The following GRID2 variants were observed in gnomAD, a reference collection of about 807,000 sequenced individuals.
GRID2 encodes the protein glutamate receptor ionotropic, delta-2.
Under a neutral mutation model 114.8 loss-of-function variants are expected in GRID2, and 33 were observed. That is an observed-to-expected ratio of 0.29 (90% CI 0.22 to 0.38). The LOEUF (loss-of-function observed/expected upper bound fraction) is 0.38, where lower values mean the gene tolerates loss of function less well. GRID2 is among the 10% of genes least tolerant of loss of function. GRID2 has a pLI of 1.00. For synonymous variants in GRID2, 505 were observed against 449.9 expected (o/e 1.12, Z -1.55); for missense variants, 1,184 against 1,257.7 (o/e 0.94, Z 0.89).
At chr4:93,055,870 T>C (rs1170393086) in intron 2 of GRID2, among the ~76,000 whole-genome samples, 1 of 151,992 alleles carries the variant, frequency 6.6e-6, no homozygotes, top group Non-Finnish European at 1.5e-5. Context: ...AGTCTGTCCT[T>C]GTAACTCATT....
At chr4:93,410,483 C>T (rs1458199088) in intron 9 of GRID2, among the ~76,000 whole-genome samples, 1 of 152,166 alleles carries the variant, frequency 6.6e-6, no homozygotes, top group Non-Finnish European at 1.5e-5. Flanking sequence ...CTTCCTGGAC[C>T]TCTCACCTCC....
At chr4:92,845,091 C>T (rs868000993) in intron 2 of GRID2, among the ~76,000 whole-genome samples, 3 of 152,030 alleles carry the variant, frequency 2.0e-5, no homozygotes, top group Non-Finnish European at 4.4e-5. Flanking sequence ...AATAATATCT[C>T]AGATAATATT....
intron 1 of GRID2, among the ~76,000 whole-genome samples, chr4:92,380,945 A>G (rs1729593104): frequency 6.6e-6 from 1 of 152,044 alleles, no homozygotes; most frequent in Admixed American, 6.6e-5. Flanking sequence ...CTCAATAATT[A>G]CTAAATAATA....
At chr4:92,960,671 C>T (rs1013955152) in intron 2 of GRID2, among the ~76,000 whole-genome samples, 7 of 151,872 alleles carry the variant, frequency 4.6e-5, no homozygotes, top group Admixed American at 4.6e-4. Context: ...TATAGTCTTG[C>T]TTATTGATCC....
At position 93,338,392 on chromosome 4, in the gene GRID2, C is replaced by T. The variant is rs942258020; in HGVS notation, c.1246-57215C>T. On this transcript the variant is annotated intron_variant, in intron 8 of 15. Coordinates refer to ENST00000282020, the MANE Select transcript of GRID2 (RefSeq NM_001510.4). ...ATTACAAGTCGCCAATTTGCCATAG[C>T]GAAGCATGCAGTTGGGAGGGGACGT... 7.8e-4 allele frequency among the ~76,000 whole-genome samples: 119 copies of T among 152,108 alleles called. 1 individual carries two copies. Among genetic ancestry groups the T allele is most frequent in the African/African-American group, 2.5e-3 (103 of 41,504 alleles).
intron 1 of GRID2, among the ~76,000 whole-genome samples, chr4:92,563,665 A>G (rs1353738307): frequency 6.6e-6 from 1 of 152,070 alleles, no homozygotes; most frequent in Non-Finnish European, 1.5e-5. Flanking sequence ...GATTTTCAGC[A>G]TATGACTAAT....
chr4:92,412,802 T>G lies in GRID2; in HGVS notation c.88+108058T>G, dbSNP rs570069921. The stretch of plus-strand genomic sequence containing the variant: ...CACCCTGGCATTTCAGACTTTTATC[T>G]GTTTACACCTGTTTTTCCTCTGCCT... On this transcript the variant is annotated intron_variant, in intron 1 of 15. Coordinates refer to ENST00000282020, the MANE Select transcript of GRID2 (RefSeq NM_001510.4). Among the ~76,000 whole-genome samples the G allele has an allele frequency of 1.6e-4, 25 of 152,356 alleles. No homozygotes were observed. In the South Asian group the frequency reaches 3.7e-3, roughly 23 times the overall value.
At chr4:92,675,490 ATCACTATTCT>A (rs11280344) in intron 2 of GRID2, among the ~76,000 whole-genome samples, 9,010 of 151,296 alleles carry the variant, frequency 0.06, 331 homozygotes, top group East Asian at 0.16. Context: ...CCAAACTCCA[ATCACTATTCT>A]TCACTATTCT....
intron 13 of GRID2, among the ~76,000 whole-genome samples, chr4:93,608,293 T>C (rs1560812269): frequency 4.3e-5 from 3 of 70,142 alleles, no homozygotes; most frequent in African/African-American, 8.7e-5. Flanking sequence ...ATTATTTTTT[T>C]TTCTTTTTTT....
chr4:93,096,005 T>G (rs558637933), intron 3 of GRID2, among the ~76,000 whole-genome samples: 11 of 152,064 alleles, frequency 7.2e-5, no homozygotes, highest in African/African-American at 2.4e-4. Flanking sequence ...TTTTTTGATA[T>G]TGGCATAAGG....
At chr4:93,235,029 C>T (rs1023628411) in intron 7 of GRID2, among the ~76,000 whole-genome samples, 1 of 152,070 alleles carries the variant, frequency 6.6e-6, no homozygotes, top group African/African-American at 2.4e-5. Flanking sequence ...AACAGAATGA[C>T]ATAAAGTCTC....
At chr4:92,464,088 G>T (rs1185068865) in intron 1 of GRID2, among the ~76,000 whole-genome samples, 1 of 151,730 alleles carries the variant, frequency 6.6e-6, no homozygotes, top group East Asian at 1.9e-4. Flanking sequence ...TTTCTAAATT[G>T]TAGAGCATGT....
At chr4:92,735,061 G>C (rs962138569) in intron 2 of GRID2, among the ~76,000 whole-genome samples, 1 of 151,952 alleles carries the variant, frequency 6.6e-6, no homozygotes, top group Non-Finnish European at 1.5e-5. Flanking sequence ...TTACAGGCAT[G>C]ACTCATTGCA....
chr4:92,553,071 ATTC>A (rs1560707223), intron 1 of GRID2, among the ~76,000 whole-genome samples: 1 of 152,134 alleles, frequency 6.6e-6, no homozygotes, highest in Non-Finnish European at 1.5e-5. Flanking sequence ...AGGATGAGTC[ATTC>A]TTCTTTTTGG....
At chr4:92,499,522 A>G (rs1352785605) in intron 1 of GRID2, among the ~76,000 whole-genome samples, 1 of 152,212 alleles carries the variant, frequency 6.6e-6, no homozygotes, top group Non-Finnish European at 1.5e-5. Context: ...ATTATTCAGC[A>G]GAAATAAAAT....
At chr4:93,271,489 A>C (rs1014948273) in intron 8 of GRID2, among the ~76,000 whole-genome samples, 19 of 152,160 alleles carry the variant, frequency 1.2e-4, no homozygotes, top group Admixed American at 1.1e-3. Context: ...TAATGAGAGA[A>C]AAAGTCAACT....
chr4:93,596,333 A>G (rs936071295), intron 13 of GRID2, among the ~76,000 whole-genome samples: 1 of 152,208 alleles, frequency 6.6e-6, no homozygotes, highest in Non-Finnish European at 1.5e-5. Flanking sequence ...CAGTCCCAGC[A>G]CTTTGGGAGG....
chr4:92,591,904 T>C (rs1310657256), intron 2 of GRID2, among the ~76,000 whole-genome samples: 3 of 152,066 alleles, frequency 2.0e-5, no homozygotes, highest in African/African-American at 7.2e-5. Context: ...AAGTAAACAT[T>C]AATGCAAAAA....
intron 8 of GRID2, among the ~76,000 whole-genome samples, chr4:93,243,668 G>T (rs1472506259): frequency 6.6e-6 from 1 of 152,098 alleles, no homozygotes; most frequent in Non-Finnish European, 1.5e-5. Flanking sequence ...TCTTGGCATT[G>T]TATGAATGAT....
Sources: gnomAD v4.1 joint callset for allele counts (sites outside exome capture counted in the v4.1 genomes callset) on GRCh38, gnomAD v4.1.1 for gene constraint, MANE v1.5 for transcripts, NCBI Gene and HGNC (gene_info 2026-07-23, HGNC 2026-07-21) for gene names.